Variants in DYNC2H1 observed in about 807,000 individuals in gnomAD.
DYNC2H1 encodes the protein cytoplasmic dynein 2 heavy chain 1.
In DYNC2H1, 410 loss-of-function variants were observed where a neutral mutation model predicts 570.0. The ratio of observed to expected loss-of-function variants is 0.72; its 90% confidence interval spans 0.66 to 0.78. DYNC2H1 has a LOEUF of 0.78. Ranked by LOEUF, DYNC2H1 falls within the 30% of genes least tolerant of loss-of-function variation. The pLI is 0.00. For missense variants in DYNC2H1, 4,865 were observed against 5,046.4 expected (o/e 0.96, Z 1.09); for synonymous variants, 1,688 against 1,677.6 (o/e 1.01, Z -0.15).
At chr11:103,476,814 GC>G (rs1945565997) in intron 88 of DYNC2H1, among the ~76,000 whole-genome samples, 2 of 152,162 alleles carry the variant, frequency 1.3e-5, no homozygotes, top group Admixed American at 1.3e-4. Flanking sequence ...TTCATATAAT[GC>G]CCACTTAGGC....
intron 55 of DYNC2H1, among the ~76,000 whole-genome samples, chr11:103,216,760 C>G (rs185417326): frequency 2.5e-4 from 38 of 150,984 alleles, no homozygotes; most frequent in Admixed American, 1.1e-3. Context: ...TGCCACTGCT[C>G]TCCAGCCTGA....
intron 53 of DYNC2H1, among the ~76,000 whole-genome samples, chr11:103,211,480 C>T (rs1253505915): frequency 6.6e-6 from 1 of 151,676 alleles, no homozygotes; most frequent in East Asian, 1.9e-4. Flanking sequence ...TTATATAGTC[C>T]CAATTAATTT....
intron 4 of DYNC2H1, among the ~76,000 whole-genome samples, chr11:103,115,773 G>A (rs560989328): frequency 1.1e-4 from 16 of 152,142 alleles, no homozygotes; most frequent in African/African-American, 3.1e-4. Flanking sequence ...GCAAGAGTGC[G>A]AGACTCCATC....
chr11:103,476,241 A>T (rs968975122), intron 88 of DYNC2H1, among the ~76,000 whole-genome samples: 5 of 152,124 alleles, frequency 3.3e-5, no homozygotes, highest in Admixed American at 3.3e-4. Flanking sequence ...CTTTATCCCA[A>T]ATCCCACATT....
Position 103,186,713 on chromosome 11 carries a change from G to C in DYNC2H1, c.6893+212G>C, listed in dbSNP as rs1399751174. Reference sequence around the variant, plus strand: ...TTGTGTGATTTCTACTGGAAAGACAGCAATCTGAGAAGATACTCTTAAAAA... The same window carrying C: ...TTGTGTGATTTCTACTGGAAAGACACCAATCTGAGAAGATACTCTTAAAAA... On this transcript the variant is annotated intron_variant, in intron 42 of 88. Coordinates refer to ENST00000375735, the MANE Select transcript of DYNC2H1 (RefSeq NM_001377.3). This position sits in a 1 kb window ranked among gnomAD's most constrained non-coding sequence, Gnocchi z 4.5. Among the ~76,000 whole-genome samples, 1 of 147,842 alleles carries C rather than the reference G, an allele frequency of 6.8e-6. No homozygotes were observed. The highest frequency in any genetic ancestry group is 2.5e-5 in the African/African-American group (1 of 40,096).
intron 50 of DYNC2H1, among the ~76,000 whole-genome samples, chr11:103,200,969 G>A (rs1269888734): frequency 1.3e-5 from 2 of 152,026 alleles, no homozygotes. Context: ...TGGGATTACA[G>A]GCATGCGCCA....
At chr11:103,445,325 A>C (rs1169048965) in intron 85 of DYNC2H1, among the ~76,000 whole-genome samples, 1 of 152,192 alleles carries the variant, frequency 6.6e-6, no homozygotes, top group Non-Finnish European at 1.5e-5. Context: ...GCTATTATCT[A>C]TGGACATTTG....
intron 30 of DYNC2H1, among the ~76,000 whole-genome samples, chr11:103,165,575 A>G (rs954324850): frequency 6.6e-5 from 10 of 152,224 alleles, no homozygotes; most frequent in Non-Finnish European, 1.5e-5. Context: ...TTACTGGTTG[A>G]AAAGAAGCCA....
chr11:103,235,057 T>G (rs1864169568), intron 61 of DYNC2H1, among the ~76,000 whole-genome samples: 1 of 151,936 alleles, frequency 6.6e-6, no homozygotes, highest in Non-Finnish European at 1.5e-5. Context: ...TATCTGACCC[T>G]TTAATTAGTT....
chr11:103,125,366 C>CTTT (rs71465387), intron 12 of DYNC2H1, 71 bp downstream of exon 12: 136 of 553,000 alleles, frequency 2.5e-4, no homozygotes, highest in South Asian at 4.6e-4. Context: ...ATGCTAAAGG[C>CTTT]TTTTTTTTTT....
At chr11:103,288,491 A>T (rs1382863624) in intron 75 of DYNC2H1, among the ~76,000 whole-genome samples, 1 of 151,434 alleles carries the variant, frequency 6.6e-6, no homozygotes, top group Non-Finnish European at 1.5e-5. Flanking sequence ...AAAAAGACCC[A>T]CTTCTTGCCT....
At chr11:103,166,593 C>A (rs1861313419) in intron 31 of DYNC2H1, among the ~76,000 whole-genome samples, 1 of 152,190 alleles carries the variant, frequency 6.6e-6, no homozygotes, top group Non-Finnish European at 1.5e-5. Flanking sequence ...GAATTTTTCA[C>A]TGGCTATCCT....
In DYNC2H1 at chr11:103,143,349, T is replaced by C; in HGVS notation, c.2656T>C (p.Phe886Leu). ...TACTGTACATGATTGGGAGAAAAATTTTAAAGCATTAAAAATAAAGGGGAA... is the reference window on the plus strand; with the variant it reads ...TACTGTACATGATTGGGAGAAAAATCTTAAAGCATTAAAAATAAAGGGGAA... Reference protein sequence around the residue: ...LFTVHDWEKNFKALKIKGKEV... With the variant: ...LFTVHDWEKNLKALKIKGKEV... The change falls in exon 18 of 89, where the codon TTT (phenylalanine) becomes CTT (leucine). Residue 886 changes from phenylalanine (F) to leucine (L), a missense_variant. Physicochemically the swap from Phe to Leu is conservative, Grantham distance 22 (BLOSUM62 0). Coordinates refer to ENST00000375735, the MANE Select transcript of DYNC2H1 (RefSeq NM_001377.3). 1.2e-6 allele frequency: 2 copies of C among 1,612,754 alleles called. 1 individual carries two copies. The highest frequency in any genetic ancestry group is 2.2e-5 in the South Asian group (2 of 90,664).
intron 47 of DYNC2H1, among the ~76,000 whole-genome samples, chr11:103,194,877 C>T (rs1213706351): frequency 1.3e-5 from 2 of 152,058 alleles, no homozygotes; most frequent in African/African-American, 4.8e-5. Context: ...ACCACCTCGC[C>T]CAGCTAATTT....
intron 88 of DYNC2H1, among the ~76,000 whole-genome samples, chr11:103,474,526 C>T (rs1189722403): frequency 2.0e-5 from 3 of 151,948 alleles, no homozygotes. Context: ...TTTGCTTTTC[C>T]TTGCTTTCTT....
In DYNC2H1 at chr11:103,261,258, C is replaced by T. The variant is rs1865269364; in HGVS notation, c.10695+1281C>T. 6.7e-6 allele frequency among the ~76,000 whole-genome samples: 1 copy of T among 150,164 alleles called. No individual in the cohort carries two copies. Among genetic ancestry groups the T allele is most frequent in the Non-Finnish European group, 1.5e-5 (1 of 66,876 alleles). On this transcript the variant is annotated intron_variant, in intron 70 of 88. Transcript: ENST00000375735. The surrounding 1 kb of genome is among the most constrained non-coding windows in gnomAD (Gnocchi z 4.8). ...CAGAGCAGCTGGGGGGAAGGGGTGG[C>T]TGTGGGCGCAGCATCAGCAGACTTA...
chr11:103,458,626 G>T (rs1021922100), intron 87 of DYNC2H1, among the ~76,000 whole-genome samples: 7 of 151,924 alleles, frequency 4.6e-5, no homozygotes, highest in East Asian at 3.9e-4. Flanking sequence ...CACTTATGAT[G>T]ATCTATTTCT....
At chr11:103,419,906 C>T (rs943290724) in intron 84 of DYNC2H1, among the ~76,000 whole-genome samples, 6 of 151,834 alleles carry the variant, frequency 4.0e-5, no homozygotes, top group South Asian at 2.1e-4. Context: ...ATTCAGGAGC[C>T]GAGAGCCAGA....
chr11:103,144,471 C>G (rs1298072787), intron 18 of DYNC2H1, among the ~76,000 whole-genome samples: 1 of 152,098 alleles, frequency 6.6e-6, no homozygotes, highest in African/African-American at 2.4e-5. Flanking sequence ...CAAGGAAAAT[C>G]TTTGTTAGGA....
Sources: allele counts gnomAD v4.1 joint callset (sites outside exome capture counted in the v4.1 genomes callset), GRCh38; gene constraint gnomAD v4.1.1; non-coding constraint Gnocchi (gnomAD v3.1); transcripts MANE v1.5; gene names NCBI Gene and HGNC (gene_info 2026-07-23, HGNC 2026-07-21).